Variants in PHKA1 observed in about 807,000 individuals in gnomAD.
PHKA1 encodes phosphorylase kinase regulatory subunit alpha 1.
A neutral mutation model predicts 110.2 loss-of-function variants in PHKA1; 60 were observed. That is an observed-to-expected ratio of 0.54 (90% CI 0.44 to 0.68). The LOEUF (loss-of-function observed/expected upper bound fraction) is 0.68, where lower values mean the gene tolerates loss of function less well. PHKA1 is among the 30% of genes least tolerant of loss of function. The pLI is 0.00. For missense variants in PHKA1, 801 were observed against 942.5 expected, an observed-to-expected ratio of 0.85 and a Z score of 1.97; for synonymous variants, 316 against 333.6, an observed-to-expected ratio of 0.95 and a Z score of 0.58.
intron 5 of PHKA1, among the ~76,000 whole-genome samples, chrX:72,676,431 G>C (rs1410133501): frequency 9.0e-6 from 1 of 111,649 alleles, no homozygotes; most frequent in Non-Finnish European, 1.9e-5. Context: ...TCTATCTGGA[G>C]AGGTGTTTCT....
chrX:72,644,279 A>G, intron 14 of PHKA1, 83 bp downstream of exon 14: 3 of 1,032,990 alleles, frequency 2.9e-6, no homozygotes, highest in Non-Finnish European at 2.7e-6. Context: ...AAAGCAATAC[A>G]CAATCATGAA....
intron 4 of PHKA1, among the ~76,000 whole-genome samples, chrX:72,692,278 T>C (rs1556322509): frequency 8.9e-6 from 1 of 112,060 alleles, no homozygotes; most frequent in African/African-American, 3.2e-5. Flanking sequence ...TTTATGTCTA[T>C]ATTAATAAGA....
At chrX:72,646,453 A>G (rs781888520) in intron 13 of PHKA1, among the ~76,000 whole-genome samples, 2 of 112,141 alleles carry the variant, frequency 1.8e-5, no homozygotes, top group South Asian at 3.7e-4. Context: ...TGAGACGGCT[A>G]TAGAGTCCTC....
At chrX:72,706,702 A>T (rs782127433) in intron 2 of PHKA1, among the ~76,000 whole-genome samples, 1 of 111,546 alleles carries the variant, frequency 9.0e-6, no homozygotes, top group African/African-American at 3.3e-5. Context: ...ACTATTCTGT[A>T]AGAATCCTGG....
At chrX:72,699,847 C>G (rs1203692257) in intron 3 of PHKA1, among the ~76,000 whole-genome samples, 2 of 111,643 alleles carry the variant, frequency 1.8e-5, no homozygotes, top group African/African-American at 6.5e-5. Context: ...ACAATTAAAG[C>G]TATTTGATTC....
In PHKA1 at chrX:72,624,808, A is replaced by G. The variant is rs2053032063; in HGVS notation, c.1794-1533T>C. Among the ~76,000 whole-genome samples the G allele has an allele frequency of 2.7e-5, 3 of 112,086 alleles. No individual in the cohort carries two copies. In the South Asian group the frequency reaches 1.1e-3, roughly 42 times the overall value. On this transcript the variant is annotated intron_variant, in intron 17 of 31. Coordinates refer to ENST00000373542, the MANE Select transcript of PHKA1 (RefSeq NM_002637.4). ...CATCACACAGGTAGTATTCCTGCCA[A>G]AAACATGTAGCCTGAATCTAATAAT...
Position 72,676,175 on chromosome X carries a change from A to G in PHKA1, c.538-25T>C, listed in dbSNP as rs149014464. The G allele has an allele frequency of 0.011, 12,182 of 1,113,170 alleles. 363 individuals are homozygous for G. The East Asian group carries it at 0.11, about 10-fold the overall frequency. The allele number at this position is 1,113,170 out of a possible 1,213,427, so 91.7% of individuals were successfully genotyped here. ...CCTGGCATAAAATAACCAATATACA[A>G]TTAGCAAGTCATAACTACTAAATAC... On this transcript the variant is annotated intron_variant, in intron 5 of 31. Coordinates refer to ENST00000373542, the MANE Select transcript of PHKA1 (RefSeq NM_002637.4).
At chrX:72,652,301 T>G (rs1556299410) in intron 12 of PHKA1, among the ~76,000 whole-genome samples, 1 of 111,054 alleles carries the variant, frequency 9.0e-6, no homozygotes, top group East Asian at 2.8e-4. Flanking sequence ...GCCTGAGCAG[T>G]TCCAAATACA....
rs145394237 is a variant in PHKA1 at position 72,620,802 on chromosome X, T to C, written c.2060A>G (p.Asp687Gly). 2.5e-6 allele frequency: 3 copies of C among 1,210,386 alleles called. No homozygotes were observed. The highest frequency in any genetic ancestry group is 3.4e-6 in the Non-Finnish European group (3 of 894,915). Residue 687 changes from aspartate to glycine, a missense_variant, in exon 19 of 32, where the codon GAT becomes GGT. Around this residue, in one of 2 missense-constraint regions of PHKA1, gnomAD observed 502 missense variants for 519.2 expected, o/e 0.97. Transcript: ENST00000373542. ...LAPTSQKGGL[D>G]RFQAAVQTTC... ...TGTTTGCACAGCAGCTTGGAACCGA[T>C]CTAGCCCTCCCTTCTGTGAGGTAGG...
chrX:72,652,313 T>G (rs1226184194), intron 12 of PHKA1, among the ~76,000 whole-genome samples: 1 of 110,979 alleles, frequency 9.0e-6, no homozygotes, highest in Non-Finnish European at 1.9e-5. Flanking sequence ...CCAAATACAG[T>G]GCCAAAGTAG....
At chrX:72,686,935 T>C (rs1556319050) in intron 4 of PHKA1, among the ~76,000 whole-genome samples, 1 of 112,108 alleles carries the variant, frequency 8.9e-6, no homozygotes, top group Admixed American at 9.4e-5. Context: ...ACAGTTTATA[T>C]ACCAACACTG....
intron 10 of PHKA1, among the ~76,000 whole-genome samples, chrX:72,654,797 ATTT>A (rs141785619): frequency 2.1e-5 from 2 of 93,764 alleles, no homozygotes; most frequent in Non-Finnish European, 4.3e-5. Flanking sequence ...TAGCATGGTG[ATTT>A]TTTTTTTTTT....
intron 6 of PHKA1, among the ~76,000 whole-genome samples, chrX:72,674,272 T>C (rs1184532903): frequency 9.0e-6 from 1 of 110,643 alleles, no homozygotes; most frequent in Non-Finnish European, 1.9e-5. Context: ...AACATATGTG[T>C]GCATGTGTCT....
intron 21 of PHKA1, among the ~76,000 whole-genome samples, chrX:72,612,138 T>C (rs1355928588): frequency 1.8e-5 from 2 of 112,371 alleles, no homozygotes; most frequent in Admixed American, 1.9e-4. Flanking sequence ...ATATAATATC[T>C]GGCAATAAAA....
chrX:72,682,066 G>A (rs1556315960), intron 5 of PHKA1, among the ~76,000 whole-genome samples: 16 of 94,158 alleles, frequency 1.7e-4, no homozygotes, highest in African/African-American at 5.3e-4. Context: ...CGCCCCGTCC[G>A]GGAGGGAGGT....
chrX:72,644,303 T>C (rs1401040581), intron 14 of PHKA1, 59 bp downstream of exon 14: 2 of 1,148,614 alleles, frequency 1.7e-6, no homozygotes, highest in Non-Finnish European at 2.4e-6. Flanking sequence ...GAAAAAAGGA[T>C]GGAAACCAGC....
At chrX:72,690,406 G>A (rs1475496423) in intron 4 of PHKA1, among the ~76,000 whole-genome samples, 2 of 111,219 alleles carry the variant, frequency 1.8e-5, no homozygotes, top group Non-Finnish European at 3.8e-5. Context: ...TTGGAGATAG[G>A]GACTTCAAGG....
Position 72,603,187 on chromosome X carries a change from C to T in PHKA1, c.2849G>A (p.Ser950Asn), listed in dbSNP as rs1208198802. ...CAGGAGATTCTTCATGGCCGAAGGA[C>T]TGAGATTCATCAGGCCCTCTGTGGC... ...EEATEGLMNLSPSAMKNLLHH... is the reference protein window; with the variant it reads ...EEATEGLMNLNPSAMKNLLHH... The change falls in exon 26 of 32, where the codon AGT (serine) becomes AAT (asparagine). Residue 950 changes from serine to asparagine, a missense_variant. Ser to Asn is a conservative substitution (Grantham distance 46). Around this residue, in one of 2 missense-constraint regions of PHKA1, gnomAD observed 502 missense variants for 519.2 expected, o/e 0.97. Coordinates refer to ENST00000373542, the MANE Select transcript of PHKA1 (RefSeq NM_002637.4). 1 of 1,206,961 alleles carries T rather than the reference C, an allele frequency of 8.3e-7. No individual in the cohort carries two copies. The highest frequency in any genetic ancestry group is 3.0e-5 in the East Asian group (1 of 33,839).
intron 16 of PHKA1, among the ~76,000 whole-genome samples, chrX:72,631,590 A>G (rs1452394677): frequency 9.0e-6 from 1 of 110,858 alleles, no homozygotes; most frequent in South Asian, 3.8e-4. Flanking sequence ...TTGGGTCTTT[A>G]AAAAAACCTG....
Sources: gnomAD v4.1 joint callset for allele counts (sites outside exome capture counted in the v4.1 genomes callset) on GRCh38, gnomAD v4.1.1 for gene constraint, gnomAD v4.1.1 regional missense constraint, MANE v1.5 for transcripts, NCBI Gene and HGNC (gene_info 2026-07-23, HGNC 2026-07-21) for gene names.